NFAT5: variants seen among roughly 807,000 people sequenced by gnomAD.
NFAT5 encodes nuclear factor of activated T cells 5.
In NFAT5, 31 loss-of-function variants were observed where a neutral mutation model predicts 166.5. That is an observed-to-expected ratio of 0.19 (90% CI 0.14 to 0.25). The LOEUF is 0.25. Among genes scored for constraint, NFAT5 ranks in the 10% least tolerant of loss-of-function variants. NFAT5 has a pLI of 1.00. For synonymous variants in NFAT5, 612 were observed against 639.7 expected, an observed-to-expected ratio of 0.96 and a Z score of 0.65; for missense variants, 1,449 against 1,821.8, an observed-to-expected ratio of 0.80 and a Z score of 3.72.
intron 2 of NFAT5, among the ~76,000 whole-genome samples, chr16:69,580,766 C>T (rs75416874): frequency 0.16 from 24,204 of 151,890 alleles, 2,108 homozygotes; most frequent in East Asian, 0.36. Context: ...CGCCATTCTC[C>T]GGCCTCAGCC....
At chr16:69,695,103 G>C (rs1398136313) in intron 13 of NFAT5, 33 bp from the exon 14 acceptor site, 2 of 1,495,446 alleles carry the variant, frequency 1.3e-6, no homozygotes, top group Non-Finnish European at 1.9e-6. Flanking sequence ...ACTGTAGTCA[G>C]CTTTTAAGCT....
At position 69,587,427 on chromosome 16, in the gene NFAT5, C is replaced by T. The variant is rs189191204; in HGVS notation, c.127+18879C>T. ...TTTTTGAGATGGAGTCTGGCTCTGT[C>T]GCCCAGGCTGTAGTGCAGTGGTGTG... On this transcript the variant is annotated intron_variant, in intron 2 of 14. Transcript: ENST00000349945. Among the ~76,000 whole-genome samples, 316 of 150,578 alleles carry T rather than the reference C, an allele frequency of 2.1e-3. 4 individuals carry two copies. The highest frequency in any genetic ancestry group is 7.2e-3 in the African/African-American group (294 of 40,972).
Position 69,693,314 on chromosome 16 carries a change from T to C in NFAT5, c.3489T>C (p.Ser1163=). 1 of 1,613,992 alleles carries C rather than the reference T, an allele frequency of 6.2e-7. No individual in the cohort carries two copies. Among genetic ancestry groups the C allele is most frequent in the Non-Finnish European group, 8.5e-7 (1 of 1,179,994 alleles). The stretch of plus-strand genomic sequence containing the variant: ...CAACCAACATATTTCTTTCCCAGAG[T>C]CCCATGAATAATCTTCAGACTAACA... ...QQSTNIFLSQ[S]PMNNLQTNTV... Residue 1163 remains serine (S), a synonymous_variant, in exon 13 of 15, where the codon AGT becomes AGC. Transcript: ENST00000349945.
intron 10 of NFAT5, among the ~76,000 whole-genome samples, chr16:69,681,289 G>C (rs1189522236): frequency 6.6e-6 from 1 of 152,164 alleles, no homozygotes; most frequent in Non-Finnish European, 1.5e-5. Context: ...ATATTTACGG[G>C]TTGGAGTAGA....
chr16:69,684,326 C>T (rs1297857066), intron 10 of NFAT5, among the ~76,000 whole-genome samples: 8 of 148,666 alleles, frequency 5.4e-5, no homozygotes, highest in Middle Eastern at 3.8e-3. Flanking sequence ...TTTGGGAGGC[C>T]GAGGCGGGTG....
intron 2 of NFAT5, among the ~76,000 whole-genome samples, chr16:69,579,373 A>G (rs1402150175): frequency 1.3e-5 from 2 of 152,182 alleles, no homozygotes; most frequent in Non-Finnish European, 2.9e-5. Context: ...AATATTGGGT[A>G]CAGGATGAGA....
chr16:69,598,753 G>A (rs1253485267), intron 2 of NFAT5, among the ~76,000 whole-genome samples: 1 of 152,126 alleles, frequency 6.6e-6, no homozygotes, highest in Non-Finnish European at 1.5e-5. Flanking sequence ...GGCCGGGCAC[G>A]ATGGCTCACG....
At chr16:69,626,773 A>C (rs895460006) in intron 3 of NFAT5, among the ~76,000 whole-genome samples, 2 of 152,192 alleles carry the variant, frequency 1.3e-5, no homozygotes, top group South Asian at 4.1e-4. Context: ...CTTGTCTTCA[A>C]ATATGGGAAC....
chr16:69,682,308 T>TC (rs397783314), intron 10 of NFAT5, among the ~76,000 whole-genome samples: 3 of 147,324 alleles, frequency 2.0e-5, no homozygotes, highest in African/African-American at 2.5e-5. Context: ...TTTTTTTTTT[T>TC]CTAAAAAAGA....
chr16:69,647,458 G>A lies in NFAT5; in HGVS notation c.684G>A (p.Pro228=), dbSNP rs750738520. ...GAAAACGAAATCCAAAGCAGAGGCC[G>A]GGGGTCAAACGACGAGATTGTGAAG... ...KSRKRNPKQR[P]GVKRRDCEES... Residue 228 remains proline, a synonymous_variant, in exon 4 of 15, where the codon CCG becomes CCA. Transcript: ENST00000349945. The surrounding 1 kb of genome is among the most constrained non-coding windows in gnomAD (Gnocchi z 4.8). 6.8e-6 allele frequency: 11 copies of A among 1,613,904 alleles called. No individual in the cohort carries two copies. The highest frequency in any genetic ancestry group is 6.6e-5 in the South Asian group (6 of 91,062).
chr16:69,680,611 T>C (rs1254697079), intron 10 of NFAT5, among the ~76,000 whole-genome samples: 2 of 152,226 alleles, frequency 1.3e-5, no homozygotes, highest in Non-Finnish European at 2.9e-5. Flanking sequence ...ATTTTGTATG[T>C]TACAGATAGC....
intron 2 of NFAT5, among the ~76,000 whole-genome samples, chr16:69,587,916 T>A (rs2032188221): frequency 6.6e-6 from 1 of 151,270 alleles, no homozygotes; most frequent in Non-Finnish European, 1.5e-5. Flanking sequence ...AGGTATAAAT[T>A]AGGCACTTTG....
rs1023688670 is a variant in NFAT5 at position 69,677,745 on chromosome 16, G to A, written c.1690+410G>A. On this transcript the variant is annotated intron_variant, in intron 10 of 14. Coordinates refer to ENST00000349945, the MANE Select transcript of NFAT5 (RefSeq NM_138713.4). ...AGAGAGAGAAGAGATAAACTAGAGT[G>A]ACAGGTGATAAAATAAAAAATCCCA... Among the ~76,000 whole-genome samples the A allele has an allele frequency of 2.0e-5, 3 of 152,162 alleles. No individual in the cohort carries two copies. In the South Asian group the frequency reaches 6.2e-4, roughly 31 times the overall value.
chr16:69,614,279 C>T (rs1242760293), intron 2 of NFAT5, among the ~76,000 whole-genome samples: 1 of 152,074 alleles, frequency 6.6e-6, no homozygotes, highest in East Asian at 1.9e-4. Context: ...CTCTGCCTCC[C>T]AAAATGCTGC....
chr16:69,596,761 T>G (rs1268668143), intron 2 of NFAT5, among the ~76,000 whole-genome samples: 3 of 152,034 alleles, frequency 2.0e-5, no homozygotes, highest in African/African-American at 7.2e-5. Context: ...AATCCATTTT[T>G]TTTCTCTAAC....
chr16:69,613,011 C>T (rs2033775484), intron 2 of NFAT5, among the ~76,000 whole-genome samples: 1 of 152,180 alleles, frequency 6.6e-6, no homozygotes, highest in Non-Finnish European at 1.5e-5. Context: ...CCAAATTCAT[C>T]ATTTAAAACT....
chr16:69,589,686 T>G (rs778475873), intron 2 of NFAT5, among the ~76,000 whole-genome samples: 1 of 152,246 alleles, frequency 6.6e-6, no homozygotes, highest in East Asian at 1.9e-4. Flanking sequence ...CTTTAAGATA[T>G]GGCTCTTGAA....
At chr16:69,653,029 A>G (rs1291231526) in intron 4 of NFAT5, among the ~76,000 whole-genome samples, 4 of 152,020 alleles carry the variant, frequency 2.6e-5, no homozygotes, top group Admixed American at 6.6e-5. Context: ...TTATTTTTGC[A>G]TCATATAGTA....
intron 2 of NFAT5, among the ~76,000 whole-genome samples, chr16:69,622,034 G>A (rs976009571): frequency 6.6e-6 from 1 of 152,100 alleles, no homozygotes; most frequent in Non-Finnish European, 1.5e-5. Flanking sequence ...ATTGGCTAGT[G>A]GAGACTGTAA....
Sources: allele counts gnomAD v4.1 joint callset (sites outside exome capture counted in the v4.1 genomes callset), GRCh38; gene constraint gnomAD v4.1.1; non-coding constraint Gnocchi (gnomAD v3.1); transcripts MANE v1.5; gene names NCBI Gene and HGNC (gene_info 2026-07-23, HGNC 2026-07-21).